The following EGLN1 variants were observed in gnomAD, a reference collection of about 807,000 sequenced individuals.
The protein encoded by EGLN1 is egl nine homolog 1.
A neutral mutation model predicts 38.3 loss-of-function variants in EGLN1; 17 were observed. That is an observed-to-expected ratio of 0.44 (90% CI 0.30 to 0.67). The LOEUF is 0.67. Among genes scored for constraint, EGLN1 ranks in the 30% least tolerant of loss-of-function variants. The probability of loss-of-function intolerance (pLI) is 0.08; values close to 1 mark genes in which losing one functional copy is unlikely to be tolerated. For synonymous variants in EGLN1, 283 were observed against 257.5 expected (o/e 1.10, Z -0.95); for missense variants, 477 against 603.3 (o/e 0.79, Z 2.19).
intron 1 of EGLN1, among the ~76,000 whole-genome samples, chr1:231,397,627 T>C (rs1278984924): frequency 1.3e-5 from 2 of 152,116 alleles, no homozygotes; most frequent in African/African-American, 4.8e-5. Context: ...GGGAGTCACC[T>C]GACCCCTGCA....
At chr1:231,409,253 A>C (rs1431359439) in intron 1 of EGLN1, among the ~76,000 whole-genome samples, 13 of 145,480 alleles carry the variant, frequency 8.9e-5, no homozygotes, top group Non-Finnish European at 1.5e-5. Context: ...AAAAAAAAAA[A>C]AAACAAAAAA....
At chr1:231,390,419 T>C (rs942513706) in intron 1 of EGLN1, among the ~76,000 whole-genome samples, 2 of 152,254 alleles carry the variant, frequency 1.3e-5, no homozygotes, top group African/African-American at 4.8e-5. Context: ...GTTTAATCTT[T>C]ATAGTCTCAA....
At chr1:231,404,752 T>TAA (rs149631869) in intron 1 of EGLN1, among the ~76,000 whole-genome samples, 2,252 of 152,280 alleles carry the variant, frequency 0.015, 54 homozygotes, top group African/African-American at 0.051. Flanking sequence ...ATAGCTTAAA[T>TAA]AATTAAATTC....
intron 1 of EGLN1, among the ~76,000 whole-genome samples, chr1:231,416,345 C>T (rs1019829640): frequency 6.6e-6 from 1 of 151,902 alleles, no homozygotes; most frequent in African/African-American, 2.4e-5. Flanking sequence ...ATTATCATCT[C>T]CTCCTCCTCC....
intron 1 of EGLN1, among the ~76,000 whole-genome samples, chr1:231,417,980 T>C (rs115569833): frequency 0.015 from 2,212 of 152,324 alleles, 48 homozygotes; most frequent in African/African-American, 0.048. Flanking sequence ...AACTAACTTT[T>C]CCTGAGTCCC....
At chr1:231,384,460 G>T (rs1688146833) in intron 1 of EGLN1, among the ~76,000 whole-genome samples, 1 of 152,096 alleles carries the variant, frequency 6.6e-6, no homozygotes, top group African/African-American at 2.4e-5. Context: ...TATTTATAGG[G>T]TGGTTGGTCA....
chr1:231,410,092 G>A (rs764412977), intron 1 of EGLN1, among the ~76,000 whole-genome samples: 11 of 152,150 alleles, frequency 7.2e-5, no homozygotes, highest in African/African-American at 1.2e-4. Context: ...AAGAACTGAC[G>A]TAAGAACTGG....
intron 1 of EGLN1, among the ~76,000 whole-genome samples, chr1:231,418,684 CCT>C (rs1344072101): frequency 6.6e-6 from 1 of 151,924 alleles, no homozygotes; most frequent in Non-Finnish European, 1.5e-5. Context: ...TCAGCAAGAC[CCT>C]GACTCTACAA....
At chr1:231,412,076 A>G (rs964493127) in intron 1 of EGLN1, among the ~76,000 whole-genome samples, 1 of 146,634 alleles carries the variant, frequency 6.8e-6, no homozygotes, top group Non-Finnish European at 1.5e-5. Context: ...TCTAATTTTA[A>G]TAGTACCAGT....
At chr1:231,374,573 A>T (rs1232612241) in intron 1 of EGLN1, among the ~76,000 whole-genome samples, 4 of 151,352 alleles carry the variant, frequency 2.6e-5, no homozygotes, top group Non-Finnish European at 4.4e-5. Context: ...GTTCGAGTGC[A>T]GTGATGCAAT....
chr1:231,391,082 T>TG (rs1491420645), intron 1 of EGLN1, among the ~76,000 whole-genome samples: 4 of 62,738 alleles, frequency 6.4e-5, no homozygotes, highest in African/African-American at 1.8e-4. Context: ...GAACTCATTC[T>TG]GTTTTTTTTT....
Position 231,416,436 on chromosome 1 carries a change from A to AATT in EGLN1, c.891+4561_891+4562insAAT, listed in dbSNP as rs1553256876. Among the ~76,000 whole-genome samples, 246 of 141,938 alleles carry AATT rather than the reference A, an allele frequency of 1.7e-3. 1 individual carries two copies. Among genetic ancestry groups the AATT allele is most frequent in the African/African-American group, 5.6e-3 (212 of 37,810 alleles). The allele number at this position is 141,938 out of a possible 152,430, so 93.1% of individuals were successfully genotyped here. ...AGAGTTACATACATACAAAAAAAAA[A>AATT]TTTTTTTTTTTTTTTTGAGATAGGG... On this transcript the variant is annotated intron_variant, in intron 1 of 4. Coordinates refer to ENST00000366641, the MANE Select transcript of EGLN1 (RefSeq NM_022051.3).
intron 1 of EGLN1, among the ~76,000 whole-genome samples, chr1:231,417,930 G>A (rs2102943523): frequency 6.6e-6 from 1 of 152,198 alleles, no homozygotes; most frequent in Non-Finnish European, 1.5e-5. Flanking sequence ...CAGAAAACCT[G>A]AATTTAAGTC....
At chr1:231,388,466 T>C (rs1282228418) in intron 1 of EGLN1, among the ~76,000 whole-genome samples, 1 of 152,076 alleles carries the variant, frequency 6.6e-6, no homozygotes, top group Non-Finnish European at 1.5e-5. Flanking sequence ...CTGTAGCTAG[T>C]GTCTGTCTCT....
intron 1 of EGLN1, among the ~76,000 whole-genome samples, chr1:231,374,496 C>T (rs1453200480): frequency 1.3e-5 from 2 of 151,484 alleles, no homozygotes. Flanking sequence ...AACACCCCAT[C>T]TGACACTGTC....
chr1:231,406,883 G>A (rs1287380624), intron 1 of EGLN1, among the ~76,000 whole-genome samples: 1 of 152,034 alleles, frequency 6.6e-6, no homozygotes, highest in Non-Finnish European at 1.5e-5. Flanking sequence ...TATCGGAAAA[G>A]GGTGTTATTT....
chr1:231,414,671 T>G (rs1689031102), intron 1 of EGLN1, among the ~76,000 whole-genome samples: 1 of 151,004 alleles, frequency 6.6e-6, no homozygotes, highest in African/African-American at 2.4e-5. Flanking sequence ...TCTCGAATGT[T>G]CAAGCATATT....
intron 1 of EGLN1, among the ~76,000 whole-genome samples, chr1:231,391,053 C>T (rs1199086297): frequency 4.2e-5 from 4 of 94,696 alleles, no homozygotes; most frequent in East Asian, 6.6e-4. Flanking sequence ...ACGACCGACG[C>T]GTGTGTGTGT....
chr1:231,378,390 T>C (rs931778324), intron 1 of EGLN1, among the ~76,000 whole-genome samples: 1 of 152,204 alleles, frequency 6.6e-6, no homozygotes, highest in African/African-American at 2.4e-5. Context: ...GAAAAACCTA[T>C]TTATACATAA....
Sources: gnomAD v4.1 joint callset for allele counts (sites outside exome capture counted in the v4.1 genomes callset) on GRCh38, gnomAD v4.1.1 for gene constraint, MANE v1.5 for transcripts, NCBI Gene and HGNC (gene_info 2026-07-23, HGNC 2026-07-21) for gene names.